Variants in STON1 observed in about 807,000 individuals in gnomAD.
STON1 encodes stonin-1.
STON1 carries 79 observed loss-of-function variants against 60.9 expected under a neutral mutation model. The ratio of observed to expected loss-of-function variants is 1.30; its 90% confidence interval spans 1.08 to 1.56. The LOEUF (loss-of-function observed/expected upper bound fraction) is 1.56. Among genes scored for constraint, STON1 ranks in the 40% most tolerant of loss-of-function variants. The pLI, the probability that STON1 is intolerant of heterozygous loss-of-function variation, is 0.00. For synonymous variants in STON1, 363 were observed against 306.9 expected, an observed-to-expected ratio of 1.18 and a Z score of -1.91; for missense variants, 1,166 against 858.9, an observed-to-expected ratio of 1.36 and a Z score of -4.47.
intron 1 of STON1, among the ~76,000 whole-genome samples, chr2:48,532,795 C>G (rs762212098): frequency 1.2e-4 from 18 of 152,022 alleles, no homozygotes; most frequent in Non-Finnish European, 2.6e-4. Context: ...GGCTACATCC[C>G]CAGACAGCCA....
At chr2:48,534,925 C>T (rs1434722678) in intron 1 of STON1, among the ~76,000 whole-genome samples, 1 of 152,212 alleles carries the variant, frequency 6.6e-6, no homozygotes, top group Non-Finnish European at 1.5e-5. Flanking sequence ...AGGTAGCTCA[C>T]CCCTTCCTTG....
chr2:48,562,564 C>G (rs555855161), intron 1 of STON1, among the ~76,000 whole-genome samples: 1 of 152,118 alleles, frequency 6.6e-6, no homozygotes, highest in Admixed American at 6.6e-5. Context: ...CAAAGTGAGG[C>G]CAAAAGATAC....
chr2:48,544,163 CT>C (rs911559620), intron 1 of STON1, among the ~76,000 whole-genome samples: 4 of 150,882 alleles, frequency 2.7e-5, no homozygotes, highest in Non-Finnish European at 5.9e-5. Flanking sequence ...TATGACTATT[CT>C]TTTTTTTCTT....
chr2:48,537,485 G>A (rs748418025), intron 1 of STON1, among the ~76,000 whole-genome samples: 14 of 152,074 alleles, frequency 9.2e-5, no homozygotes, highest in Non-Finnish European at 1.5e-4. Flanking sequence ...GTAGGGTATC[G>A]GTTGCTAGTA....
At chr2:48,564,569 C>CTTCTTCTTCTTCTTCTT (rs1558605682) in intron 1 of STON1, among the ~76,000 whole-genome samples, 1 of 36,496 alleles carries the variant, frequency 2.7e-5, no homozygotes, top group Non-Finnish European at 5.5e-5. Context: ...TTCTTCTTCT[C>CTTCTTCTTCTTCTTCTT]CTTCTCCTTC....
chr2:48,591,976 G>A (rs1674543818), intron 3 of STON1, 121 bp downstream of exon 3: 1 of 1,361,478 alleles, frequency 7.3e-7, no homozygotes, highest in South Asian at 1.5e-5. Context: ...TTGCCCTAGA[G>A]AGGATCTCAG....
chr2:48,558,210 G>A (rs572128540), intron 1 of STON1, among the ~76,000 whole-genome samples: 43 of 152,316 alleles, frequency 2.8e-4, no homozygotes, highest in African/African-American at 9.9e-4. Context: ...GGCGAAGAGC[G>A]AAACTCTGTC....
rs546441815 is a variant in STON1 at position 48,582,879 on chromosome 2, T to G, written c.1930+316T>G. Among the ~76,000 whole-genome samples the G allele has an allele frequency of 4.6e-5, 7 of 152,340 alleles. No individual in the cohort carries two copies. The South Asian group carries it at 1.4e-3, about 32-fold the overall frequency. On this transcript the variant is annotated intron_variant, in intron 2 of 3. Transcript: ENST00000404752. ...CATGGTTGAGATTAACGCATCAACT[T>G]CAAATGTTAAAAATATTTCTAATAT...
chr2:48,565,410 T>C (rs1240885853), intron 1 of STON1, among the ~76,000 whole-genome samples: 1 of 152,086 alleles, frequency 6.6e-6, no homozygotes, highest in Non-Finnish European at 1.5e-5. Context: ...CATGACCTCA[T>C]TACCTTCTAA....
chr2:48,552,282 G>C (rs987632450), intron 1 of STON1, among the ~76,000 whole-genome samples: 1 of 152,174 alleles, frequency 6.6e-6, no homozygotes, highest in East Asian at 1.9e-4. Flanking sequence ...ATTTATATGA[G>C]GTACTTAGAG....
At chr2:48,556,982 C>G (rs1351685334) in intron 1 of STON1, among the ~76,000 whole-genome samples, 3 of 64,920 alleles carry the variant, frequency 4.6e-5, no homozygotes, top group Non-Finnish European at 9.8e-5. Context: ...GCTGACCCCC[C>G]CACCTCCCTC....
At chr2:48,538,203 C>A (rs1671508811) in intron 1 of STON1, among the ~76,000 whole-genome samples, 1 of 152,112 alleles carries the variant, frequency 6.6e-6, no homozygotes, top group Non-Finnish European at 1.5e-5. Context: ...ATGATATCCC[C>A]TCCTCGGCCT....
intron 1 of STON1, among the ~76,000 whole-genome samples, chr2:48,571,376 G>C (rs1401059199): frequency 6.6e-6 from 1 of 152,194 alleles, no homozygotes; most frequent in South Asian, 2.1e-4. Context: ...AACTGGATTT[G>C]AGACTTTGGG....
intron 1 of STON1, among the ~76,000 whole-genome samples, chr2:48,554,652 C>T (rs1326045328): frequency 6.6e-6 from 1 of 152,018 alleles, no homozygotes; most frequent in Non-Finnish European, 1.5e-5. Flanking sequence ...TGTCAGTTGG[C>T]ACATCCAGTC....
rs771244560 is a variant in STON1 at position 48,581,505 on chromosome 2, C to T, written c.872C>T (p.Ser291Phe). ...RIPEKKNMMSSRQWGPIFLKV... is the reference protein window; with the variant it reads ...RIPEKKNMMSFRQWGPIFLKV... ...CCTGAGAAGAAGAATATGATGTCTT[C>T]CCGGCAATGGGGACCAATTTTTCTG... is the stretch of plus-strand genomic sequence containing the variant. Residue 291 changes from serine (S) to phenylalanine (F), a missense_variant, in exon 2 of 4, where the codon TCC becomes TTC. By Grantham distance (155) the Ser-to-Phe change is radical. Transcript: ENST00000404752. 7.4e-6 allele frequency: 12 copies of T among 1,614,080 alleles called. No homozygotes were observed. In the Admixed American group the frequency reaches 8.3e-5, roughly 11 times the overall value.
chr2:48,589,305 TC>T (rs1192903569), intron 2 of STON1, among the ~76,000 whole-genome samples: 2 of 152,154 alleles, frequency 1.3e-5, no homozygotes, highest in Non-Finnish European at 2.9e-5. Context: ...TGATTTACAT[TC>T]CCCGTCCTAA....
rs146177144 is a variant in STON1, at chr2:48,591,113, T to A, written c.1931-540T>A. Among the ~76,000 whole-genome samples, 613 of 151,792 alleles carry A rather than the reference T, an allele frequency of 4.0e-3. 6 individuals carry two copies. Among genetic ancestry groups the A allele is most frequent in the African/African-American group, 0.013 (551 of 41,500 alleles). On this transcript the variant is annotated intron_variant, in intron 2 of 3. Coordinates refer to ENST00000404752, the MANE Select transcript of STON1 (RefSeq NM_006873.4). ...TGAGCACATTGTAGCCAAATAATTA[T>A]GTTTAATATAAATATTACTCATATC...
Position 48,581,431 on chromosome 2 carries a change from A to T in STON1, c.798A>T (p.Thr266=), listed in dbSNP as rs768827837. Residue 266 remains threonine, a synonymous_variant, in exon 2 of 4, where the codon ACA becomes ACT. Coordinates refer to ENST00000404752, the MANE Select transcript of STON1 (RefSeq NM_006873.4). ...EENASSFVPH[T]LFRSQPKSGW... ...ATGCCTCTTCCTTTGTCCCCCACAC[A>T]CTCTTCAGGAGTCAGCCAAAATCCG... 6.2e-7 allele frequency: 1 copy of T among 1,613,378 alleles called. No homozygotes were observed.
chr2:48,566,608 A>G (rs1174848928), intron 1 of STON1, among the ~76,000 whole-genome samples: 1 of 152,192 alleles, frequency 6.6e-6, no homozygotes, highest in Non-Finnish European at 1.5e-5. Context: ...TAAAGGGAGA[A>G]TGAGCTCAAG....
Sources: gnomAD v4.1 joint callset for allele counts (sites outside exome capture counted in the v4.1 genomes callset) on GRCh38, gnomAD v4.1.1 for gene constraint, MANE v1.5 for transcripts, NCBI Gene and HGNC (gene_info 2026-07-23, HGNC 2026-07-21) for gene names.